Variants in TMEM17 observed in about 807,000 individuals in gnomAD.
The protein encoded by TMEM17 is transmembrane protein 17.
In TMEM17, 15 loss-of-function variants were observed where a neutral mutation model predicts 19.1. The ratio of observed to expected loss-of-function variants is 0.78; its 90% CI spans 0.52 to 1.21. The LOEUF is 1.21. TMEM17 is among the 50% of genes most tolerant of loss of function. The pLI, the probability that TMEM17 is intolerant of heterozygous loss-of-function variation, is 0.00. For missense variants in TMEM17, 245 were observed against 242.3 expected, an observed-to-expected ratio of 1.01 and a Z score of -0.07; for synonymous variants, 103 against 86.9, an observed-to-expected ratio of 1.19 and a Z score of -1.03.
chr2:62,494,835 C>A, the TMEM17 span, among the ~76,000 whole-genome samples: 1 of 152,058 alleles, frequency 6.6e-6, no homozygotes, highest in Non-Finnish European at 1.5e-5. Context: ...AACCCCGTCT[C>A]TACTAAACAC....
At chr2:62,463,983 T>A in the TMEM17 span, 1 of 152,210 alleles carries the variant, frequency 6.6e-6, no homozygotes, top group African/African-American at 2.4e-5. Context: ...CAGAAGAAGA[T>A]GACCTACCCC....
chr2:62,504,711 A>C (rs969005807), intron 1 of TMEM17, among the ~76,000 whole-genome samples: 6 of 152,264 alleles, frequency 3.9e-5, no homozygotes, highest in Admixed American at 2.6e-4. Context: ...ATAGGTAAAC[A>C]ACTGGCCAGC....
the TMEM17 span, among the ~76,000 whole-genome samples, chr2:62,492,303 T>G: frequency 6.6e-6 from 1 of 152,212 alleles, no homozygotes; most frequent in East Asian, 1.9e-4. Context: ...TAGTTTTAGC[T>G]TCTGTAAAAT....
downstream of TMEM17, among the ~76,000 whole-genome samples, chr2:62,497,911 C>T (rs1414913164): frequency 6.6e-6 from 1 of 152,218 alleles, no homozygotes; most frequent in Non-Finnish European, 1.5e-5. Context: ...ACTCATTCAA[C>T]ACACTTCCCT....
intron 3 of TMEM17, 134 bp from the exon 4 acceptor site, chr2:62,501,621 G>A: frequency 2.4e-6 from 2 of 845,494 alleles, no homozygotes; most frequent in South Asian, 1.9e-5. Flanking sequence ...GGATGACATG[G>A]TCCTTGTCCT....
chr2:62,473,100 A>T, the TMEM17 span, among the ~76,000 whole-genome samples: 306 of 152,366 alleles, frequency 2.0e-3, 1 homozygote, highest in Middle Eastern at 3.4e-3. Flanking sequence ...GAGATGATTT[A>T]CTATCCCCTC....
downstream of TMEM17, among the ~76,000 whole-genome samples, chr2:62,496,177 G>C (rs964728992): frequency 1.3e-5 from 2 of 151,782 alleles, no homozygotes; most frequent in Admixed American, 6.6e-5. Flanking sequence ...ATCTGTCCTT[G>C]TCAAAATATT....
At chr2:62,480,383 C>T in the TMEM17 span, among the ~76,000 whole-genome samples, 1 of 152,030 alleles carries the variant, frequency 6.6e-6, no homozygotes, top group Non-Finnish European at 1.5e-5. Flanking sequence ...TTCAGTCTGT[C>T]GTTTTCTTTG....
chr2:62,467,289 G>A, the TMEM17 span, among the ~76,000 whole-genome samples: 1 of 151,788 alleles, frequency 6.6e-6, no homozygotes, highest in South Asian at 2.1e-4. Flanking sequence ...ATCCCCAGGT[G>A]GTTCTCTTGT....
chr2:62,505,741 A>G (rs1680049741), intron 1 of TMEM17, among the ~76,000 whole-genome samples: 1 of 152,122 alleles, frequency 6.6e-6, no homozygotes, highest in Non-Finnish European at 1.5e-5. Context: ...TCTCCGGGAC[A>G]ATGATGGGCC....
chr2:62,469,984 C>T, the TMEM17 span, among the ~76,000 whole-genome samples: 11 of 152,188 alleles, frequency 7.2e-5, no homozygotes, highest in African/African-American at 1.9e-4. Flanking sequence ...TCCCCATGTT[C>T]CCCGGGCCTT....
chr2:62,479,524 A>G, the TMEM17 span, among the ~76,000 whole-genome samples: 1 of 152,160 alleles, frequency 6.6e-6, no homozygotes. Flanking sequence ...GCTATTGTGA[A>G]TAGTGCTGCA....
At chr2:62,492,318 A>G in the TMEM17 span, among the ~76,000 whole-genome samples, 1 of 152,208 alleles carries the variant, frequency 6.6e-6, no homozygotes, top group Non-Finnish European at 1.5e-5. Context: ...TAAAATGGGA[A>G]TAAGATCTGC....
chr2:62,455,801 G>C, the TMEM17 span, among the ~76,000 whole-genome samples: 12 of 152,280 alleles, frequency 7.9e-5, no homozygotes, highest in Admixed American at 6.5e-4. Flanking sequence ...TATTTTCCAA[G>C]TCAGTTGTAC....
chr2:62,476,475 C>G, the TMEM17 span, among the ~76,000 whole-genome samples: 4 of 152,272 alleles, frequency 2.6e-5, no homozygotes, highest in Admixed American at 2.0e-4. Context: ...CACTCTTCAG[C>G]TTATGATGGA....
chr2:62,502,376 C>G (rs1330905974), intron 3 of TMEM17, 61 bp downstream of exon 3: 20 of 1,223,034 alleles, frequency 1.6e-5, no homozygotes, highest in Non-Finnish European at 2.3e-5. Context: ...CTGCCTTTTA[C>G]TTGTTATGAA....
chr2:62,496,729 A>C (rs930832024), downstream of TMEM17, among the ~76,000 whole-genome samples: 1 of 152,232 alleles, frequency 6.6e-6, no homozygotes, highest in Admixed American at 6.5e-5. Flanking sequence ...TATAATCTTA[A>C]TTCAAGTAAA....
chr2:62,482,582 T>G, the TMEM17 span, among the ~76,000 whole-genome samples: 1 of 152,218 alleles, frequency 6.6e-6, no homozygotes, highest in Non-Finnish European at 1.5e-5. Context: ...CTTATTCTGT[T>G]GGTCACAATG....
rs1316963917 is a variant in TMEM17 at position 62,500,413 on chromosome 2, C to A, written c.*796G>T. 1.3e-5 allele frequency: 2 copies of A among 152,026 alleles called. No individual in the cohort carries two copies. Among genetic ancestry groups the A allele is most frequent in the South Asian group, 2.1e-4 (1 of 4,818 alleles). 9.4% of individuals were successfully genotyped at this position (152,026 alleles called of 1,614,324 possible). On this transcript the variant is annotated 3_prime_UTR_variant, in exon 4 of 4. Transcript: ENST00000335390. Reference sequence around the variant, plus strand: ...TATTAGGGTTAGAATTTAACCCTAGCAGACATGAAAATTTGGTCTCTTGTT... The same window carrying A: ...TATTAGGGTTAGAATTTAACCCTAGAAGACATGAAAATTTGGTCTCTTGTT...
Sources: allele counts gnomAD v4.1 joint callset (sites outside exome capture counted in the v4.1 genomes callset), GRCh38; gene constraint gnomAD v4.1.1; transcripts MANE v1.5; gene names NCBI Gene and HGNC (gene_info 2026-07-23, HGNC 2026-07-21).